COL28A1: variants seen among roughly 807,000 people sequenced by gnomAD.
The protein encoded by COL28A1 is collagen alpha-1(XXVIII) chain.
A neutral mutation model predicts 150.2 loss-of-function variants in COL28A1; 161 were observed. The observed-to-expected ratio is 1.07, with a 90% CI of 0.94 to 1.22. COL28A1 has a LOEUF of 1.22. COL28A1 is among the 50% of genes most tolerant of loss of function. COL28A1 has a pLI of 0.00. For synonymous variants in COL28A1, 552 were observed against 469.7 expected (o/e 1.18, Z -2.26); for missense variants, 1,617 against 1,388.3 (o/e 1.16, Z -2.62).
At chr7:7,441,836 T>C (rs1785817048) in intron 20 of COL28A1, among the ~76,000 whole-genome samples, 1 of 152,142 alleles carries the variant, frequency 6.6e-6, no homozygotes, top group Non-Finnish European at 1.5e-5. Flanking sequence ...TGACCTCCTG[T>C]AGAATCCACA....
intron 27 of COL28A1, among the ~76,000 whole-genome samples, chr7:7,383,692 A>ATATATATG (rs1782018660): frequency 4.9e-5 from 7 of 142,728 alleles, no homozygotes. Flanking sequence ...GTATATATAT[A>ATATATATG]TATATATATA....
the COL28A1 span, among the ~76,000 whole-genome samples, chr7:7,346,058 C>A: frequency 6.6e-6 from 1 of 151,822 alleles, no homozygotes; most frequent in East Asian, 1.9e-4. Flanking sequence ...TAAATTTTGC[C>A]TTTTTTATAT....
At chr7:7,419,807 T>G in intron 26 of COL28A1, 78 bp downstream of exon 26, 1 of 895,684 alleles carries the variant, frequency 1.1e-6, no homozygotes, top group Non-Finnish European at 1.6e-6. Flanking sequence ...AGACGAACAC[T>G]TATTATGAAG....
chr7:7,451,887 C>G (rs2109772), intron 18 of COL28A1, among the ~76,000 whole-genome samples: 1 of 151,956 alleles, frequency 6.6e-6, no homozygotes, highest in Non-Finnish European at 1.5e-5. Flanking sequence ...CTCAAATGCT[C>G]GTAAGAATAT....
chr7:7,360,409 G>T lies in COL28A1; in HGVS notation c.3186C>A (p.Thr1062=). The change falls in exon 34 of 35, where the codon ACC becomes ACA. Residue 1062 remains threonine (T), a synonymous_variant. Transcript: ENST00000399429. The stretch of plus-strand genomic sequence containing the variant: ...ACCTACCCTCTGCCCCATCCACAGG[G>T]GTGCTGAGCAGTGGCCTGGGGGTGG... ...ATTTPRPLLS[T]PVDGAEDPRC... 6.3e-7 allele frequency: 1 copy of T among 1,592,440 alleles called. No individual in the cohort carries two copies.
At chr7:7,341,962 A>G in the COL28A1 span, among the ~76,000 whole-genome samples, 1 of 152,134 alleles carries the variant, frequency 6.6e-6, no homozygotes. Context: ...ATTTCATCAA[A>G]TTACTTAATC....
In COL28A1 at chr7:7,438,080, CA is replaced by C. The variant is rs113945422; in HGVS notation, c.1723-619del. 4.0e-3 allele frequency among the ~76,000 whole-genome samples: 530 copies of C among 132,276 alleles called. 2 individuals carry two copies. The highest frequency in any genetic ancestry group is 6.9e-3 in the African/African-American group (250 of 36,034). The allele number at this position is 132,276 out of a possible 152,430, so 86.8% of individuals were successfully genotyped here. ...CAAAACCCCATCGCTACTAAAAATA[CA>C]AAAAAAAAAAAATAGCCAAAATTAG... On this transcript the variant is annotated intron_variant, in intron 21 of 34. Transcript: ENST00000399429.
At chr7:7,487,446 C>T (rs567677499) in intron 13 of COL28A1, among the ~76,000 whole-genome samples, 23 of 152,054 alleles carry the variant, frequency 1.5e-4, no homozygotes, top group East Asian at 7.8e-4. Flanking sequence ...GGCATGGTGG[C>T]GGGCACCTGT....
At chr7:7,383,636 A>T (rs1441624262) in intron 27 of COL28A1, among the ~76,000 whole-genome samples, 14 of 148,212 alleles carry the variant, frequency 9.4e-5, no homozygotes, top group African/African-American at 2.7e-4. Context: ...CCAATTTTTT[A>T]AAAAAACCTC....
intron 11 of COL28A1, among the ~76,000 whole-genome samples, chr7:7,500,837 AAAAAGTAGGGTTCGG>A (rs1562845195): frequency 1.3e-5 from 2 of 152,172 alleles, no homozygotes; most frequent in African/African-American, 2.4e-5. Context: ...TGGAAGCTTG[AAAAAGTAGGGTTCGG>A]AAAAGTAGGG....
At chr7:7,466,142 C>G (rs1018509882) in intron 15 of COL28A1, among the ~76,000 whole-genome samples, 2 of 132,902 alleles carry the variant, frequency 1.5e-5, no homozygotes, top group Admixed American at 7.9e-5. Flanking sequence ...AGGCTTCAGA[C>G]GATCAAATTA....
intron 27 of COL28A1, among the ~76,000 whole-genome samples, chr7:7,390,499 G>A (rs940597846): frequency 3.3e-5 from 5 of 152,078 alleles, no homozygotes; most frequent in Admixed American, 6.6e-5. Context: ...GGATAATGCC[G>A]GCCTCATAAA....
At chr7:7,531,957 A>C (rs1323995176) in intron 2 of COL28A1, 53 bp from the exon 3 acceptor site, 1 of 1,120,864 alleles carries the variant, frequency 8.9e-7, no homozygotes, top group Non-Finnish European at 1.3e-6. Flanking sequence ...CATGAAACAA[A>C]TTTGCATACG....
intron 1 of COL28A1, among the ~76,000 whole-genome samples, chr7:7,533,638 A>G (rs75652659): frequency 5.9e-4 from 90 of 152,272 alleles, no homozygotes; most frequent in South Asian, 1.2e-3. Flanking sequence ...ACTTAAAGCC[A>G]AGAAGCACCC....
rs774122177 is a variant in COL28A1, at chr7:7,531,467, T to G, written c.562A>C (p.Ile188Leu). 14 of 1,596,842 alleles carry G rather than the reference T, an allele frequency of 8.8e-6. No individual in the cohort carries two copies. The highest frequency in any genetic ancestry group is 1.7e-4 in the Middle Eastern group (1 of 6,022). ...TCATTGACTACCGTAGAAAGTGCAATGGTGATAAATGATATTCCTGAAATT... is the reference window on the plus strand; with the variant it reads ...TCATTGACTACCGTAGAAAGTGCAAGGGTGATAAATGATATTCCTGAAATT... Reference protein sequence around the residue: ...ARISGISFITIALSTVVNEAK... With the variant: ...ARISGISFITLALSTVVNEAK... Residue 188 changes from isoleucine to leucine, a missense_variant, in exon 3 of 35, where the codon ATT (isoleucine) becomes CTT (leucine). By Grantham distance (5) the Ile-to-Leu change is conservative. Transcript: ENST00000399429.
In COL28A1 at chr7:7,432,551, C is replaced by T. The variant is rs760784842; in HGVS notation, c.1930-10G>A. On this transcript the variant is annotated splice_polypyrimidine_tract_variant and intron_variant, in intron 24 of 34. Transcript: ENST00000399429. Reference sequence around the variant, plus strand: ...GTAATCCACGAGGTCCCTGAGATGACACAGTAAGGGAGGGAGTGAGCATCC... The same window carrying T: ...GTAATCCACGAGGTCCCTGAGATGATACAGTAAGGGAGGGAGTGAGCATCC... The T allele has an allele frequency of 1.2e-6, 2 of 1,613,588 alleles. No individual in the cohort carries two copies. Among genetic ancestry groups the T allele is most frequent in the South Asian group, 1.1e-5 (1 of 91,064 alleles).
chr7:7,360,905 A>T (rs1320092775), intron 33 of COL28A1, among the ~76,000 whole-genome samples: 6 of 152,196 alleles, frequency 3.9e-5, no homozygotes, highest in Non-Finnish European at 8.8e-5. Context: ...TGAGAAAATA[A>T]CCACTCATTT....
intron 13 of COL28A1, among the ~76,000 whole-genome samples, chr7:7,485,495 G>C (rs1442940941): frequency 6.6e-6 from 1 of 152,048 alleles, no homozygotes; most frequent in East Asian, 1.9e-4. Flanking sequence ...CTTTTTAGGG[G>C]GGGATCATGT....
At position 7,474,570 on chromosome 7, in the gene COL28A1, T is replaced by G. The variant is rs754583443; in HGVS notation, c.1302+31A>C. 3.3e-6 allele frequency: 3 copies of G among 903,110 alleles called. No individual in the cohort carries two copies. The South Asian group carries it at 4.1e-5, about 12-fold the overall frequency. The allele number at this position is 903,110 out of a possible 1,614,324, so 55.9% of individuals were successfully genotyped here. Reference sequence around the variant, plus strand: ...AGAACAATGACAATTTTATTGGCATTGTTTCCAGTGTACACCCTATTATAC... The same window carrying G: ...AGAACAATGACAATTTTATTGGCATGGTTTCCAGTGTACACCCTATTATAC... On this transcript the variant is annotated intron_variant, in intron 15 of 34. Coordinates refer to ENST00000399429, the MANE Select transcript of COL28A1 (RefSeq NM_001037763.3).
Sources: gnomAD v4.1 joint callset for allele counts (sites outside exome capture counted in the v4.1 genomes callset) on GRCh38, gnomAD v4.1.1 for gene constraint, MANE v1.5 for transcripts, NCBI Gene and HGNC (gene_info 2026-07-23, HGNC 2026-07-21) for gene names.